Variants in NTHL1 observed in about 807,000 individuals in gnomAD.
NTHL1 encodes the protein nth like DNA glycosylase 1.
Under a neutral mutation model 32.3 loss-of-function variants are expected in NTHL1, and 32 were observed. The ratio of observed to expected loss-of-function variants is 0.99; its 90% confidence interval spans 0.75 to 1.33. The LOEUF (loss-of-function observed/expected upper bound fraction) is 1.33. Among genes scored for constraint, NTHL1 ranks in the 40% most tolerant of loss-of-function variants. The probability of loss-of-function intolerance (pLI) is 0.00; values close to 1 mark genes in which losing one functional copy is unlikely to be tolerated. For synonymous variants in NTHL1, 188 were observed against 176.9 expected (o/e 1.06, Z -0.50); for missense variants, 501 against 414.1 (o/e 1.21, Z -1.82).
intron 4 of NTHL1, chr16:2,042,098 T>C (rs780443678): frequency 1.7e-4 from 78 of 455,776 alleles, no homozygotes; most frequent in Non-Finnish European, 5.3e-5. Context: ...GGGGAACCCC[T>C]AGGAGGCAGC....
Position 2,044,832 on chromosome 16 carries a change from G to A in NTHL1, c.355-32C>T, listed in dbSNP as rs765517336. ...GTGCAGTGACAGGGACCGGGGTGGC[G>A]GCGGGTCCTGGGTGATTCCCTGGCC... is the stretch of plus-strand genomic sequence containing the variant. On this transcript the variant is annotated intron_variant, in intron 2 of 5. Transcript: ENST00000651570. This position sits in a 1 kb window ranked among gnomAD's most constrained non-coding sequence, Gnocchi z 5.0. 50 of 1,553,474 alleles carry A rather than the reference G, an allele frequency of 3.2e-5. No individual in the cohort carries two copies. Among genetic ancestry groups the A allele is most frequent in the Middle Eastern group, 3.4e-4 (2 of 5,894 alleles).
At chr16:2,041,833 C>G (rs1274251697) in intron 4 of NTHL1, among the ~76,000 whole-genome samples, 1 of 152,176 alleles carries the variant, frequency 6.6e-6, no homozygotes, top group African/African-American at 2.4e-5. Context: ...TGGTCTTGAT[C>G]TCCTGACCTC....
rs1483329605 is a variant in NTHL1 at position 2,043,633 on chromosome 16, G to C, written c.619C>G (p.Pro207Ala). Residue 207 changes from proline to alanine, a missense_variant, in exon 4 of 6, where the codon CCG becomes GCG. By Grantham distance (27) the Pro-to-Ala change is conservative. Coordinates refer to ENST00000651570, the MANE Select transcript of NTHL1 (RefSeq NM_002528.7). The surrounding 1 kb of genome is among the most constrained non-coding windows in gnomAD (Gnocchi z 4.4). The stretch of plus-strand genomic sequence containing the variant: ...TGTGCCATCTTGGGCCCAACACCCG[G>C]CAGCGCCACCAGCTCGGCCACAGAG... ...PASVAELVAL[P>A]GVGPKMAHLA... is the part of the protein sequence containing the mutation. 6.2e-7 allele frequency: 1 copy of C among 1,611,240 alleles called. No individual in the cohort carries two copies. The highest frequency in any genetic ancestry group is 8.5e-7 in the Non-Finnish European group (1 of 1,179,972).
At position 2,044,906 on chromosome 16, in the gene NTHL1, A is replaced by C; in HGVS notation, c.355-106T>G. 7.6e-7 allele frequency: 1 copy of C among 1,324,234 alleles called. No individual in the cohort carries two copies. The highest frequency in any genetic ancestry group is 1.4e-5 in the South Asian group (1 of 69,452). The allele number at this position is 1,324,234 out of a possible 1,614,324, so 82.0% of individuals were successfully genotyped here. ...ACACCCTGGTTTGTTGCCCTGGGCC[A>C]CACTTGAGGCATCAGCCTCCCCCTG... On this transcript the variant is annotated intron_variant, in intron 2 of 5. Transcript: ENST00000651570. The surrounding 1 kb of genome is among the most constrained non-coding windows in gnomAD (Gnocchi z 5.0).
rs557136190 is a variant in NTHL1, at chr16:2,047,679, T to G, written c.115+30A>C. 118 of 1,556,316 alleles carry G rather than the reference T, an allele frequency of 7.6e-5. No individual in the cohort carries two copies. In the South Asian group the frequency reaches 1.3e-3, roughly 17 times the overall value. On this transcript the variant is annotated intron_variant, in intron 1 of 5. Transcript: ENST00000651570. ...AGCCTGCAGCCCCTATCCCGCCTCC[T>G]CCCACGCTCCAGCCACGGCGCGGCG...
chr16:2,040,212 C>A lies in NTHL1; in HGVS notation c.712G>T (p.Ala238Ser). The stretch of plus-strand genomic sequence containing the variant: ...TTCTTGGTCCACCTCAGCCTGTTGG[C>A]GATTCTGTGCACATGCGTGTCCACT... Reference protein sequence around the residue: ...IAVDTHVHRIANRLRWTKKAT... With the variant: ...IAVDTHVHRISNRLRWTKKAT... Residue 238 changes from alanine to serine, a missense_variant, in exon 5 of 6, where the codon GCC becomes TCC. By Grantham distance (99) the Ala-to-Ser change is moderately conservative (BLOSUM62 1). Coordinates refer to ENST00000651570, the MANE Select transcript of NTHL1 (RefSeq NM_002528.7). 1 of 1,613,762 alleles carries A rather than the reference C, an allele frequency of 6.2e-7. No individual in the cohort carries two copies. Among genetic ancestry groups the A allele is most frequent in the Non-Finnish European group, 8.5e-7 (1 of 1,180,020 alleles).
chr16:2,047,347 C>T (rs2084476874), intron 1 of NTHL1: 1 of 322,384 alleles, frequency 3.1e-6, no homozygotes, highest in Admixed American at 5.0e-5. Context: ...AGGCTTCTGG[C>T]TGCGTGTGTC....
At chr16:2,040,291 G>A (rs531559643) in intron 4 of NTHL1, 53 bp from the exon 5 acceptor site, 51 of 1,542,960 alleles carry the variant, frequency 3.3e-5, no homozygotes, top group Admixed American at 2.2e-4. Context: ...AGCCTAGCCC[G>A]TGCCCCTCCC....
Position 2,044,739 on chromosome 16 carries a change from G to A in NTHL1, c.416C>T (p.Thr139Met), listed in dbSNP as rs756597137. Residue 139 changes from threonine to methionine, a missense_variant, in exon 3 of 6, where the codon ACG becomes ATG. Transcript: ENST00000651570. The surrounding 1 kb of genome is among the most constrained non-coding windows in gnomAD (Gnocchi z 5.0). ...CCGCAGTCGCTGCATGGCGCCCGCCGTCACCTGGTCTTTGGTTTGGCTGGA... is the reference window on the plus strand; with the variant it reads ...CCGCAGTCGCTGCATGGCGCCCGCCATCACCTGGTCTTTGGTTTGGCTGGA... ...MLSSQTKDQV[T>M]AGAMQRLRAR... 83 of 1,612,134 alleles carry A rather than the reference G, an allele frequency of 5.1e-5. No homozygotes were observed. Among genetic ancestry groups the A allele is most frequent in the African/African-American group, 3.2e-4 (24 of 74,932 alleles).
chr16:2,041,638 C>T (rs1050329005), intron 4 of NTHL1, among the ~76,000 whole-genome samples: 5 of 148,982 alleles, frequency 3.4e-5, no homozygotes, highest in Admixed American at 6.7e-5. Flanking sequence ...GACGGAGTCA[C>T]GCTTTGTCGC....
rs115635561 is a variant in NTHL1, at chr16:2,040,337, C to T, written c.686-99G>A. The stretch of plus-strand genomic sequence containing the variant: ...CGAGTCTGCCACCACCCCCGTGGCC[C>T]TCCAGTTAGACATTGGAACCGCAAA... On this transcript the variant is annotated intron_variant, in intron 4 of 5. Coordinates refer to ENST00000651570, the MANE Select transcript of NTHL1 (RefSeq NM_002528.7). 1,202 of 1,094,540 alleles carry T rather than the reference C, an allele frequency of 1.1e-3. 9 individuals are homozygous for T. The African/African-American group carries it at 0.015, about 14-fold the overall frequency. 67.8% of individuals were successfully genotyped at this position (1,094,540 alleles called of 1,614,324 possible).
intron 4 of NTHL1, among the ~76,000 whole-genome samples, chr16:2,041,442 CA>C (rs1367686126): frequency 6.6e-6 from 1 of 151,036 alleles, no homozygotes; most frequent in African/African-American, 2.4e-5. Context: ...ATGGCTGTGG[CA>C]TTTTTTTTTT....
rs1057034087 is a variant in NTHL1, at chr16:2,040,026, A to G, written c.813T>C (p.Asn271=). ...WLPRELWHEI[N]GLLVGFGQQT... ...GCTGGCCGAAGCCCACCAAGAGTCC[A>G]TTGATCTCGTGCCACAGCTCCCTGT... Residue 271 remains asparagine (N), a synonymous_variant, in exon 6 of 6, where the codon AAT becomes AAC. Coordinates refer to ENST00000651570, the MANE Select transcript of NTHL1 (RefSeq NM_002528.7). The G allele has an allele frequency of 3.1e-6, 5 of 1,612,062 alleles. No individual in the cohort carries two copies. The African/African-American group carries it at 4.0e-5, about 13-fold the overall frequency.
rs2150947711 is a variant in NTHL1, at chr16:2,046,354, CT to C, written c.127del (p.Ser43AlafsTer5). The C allele has an allele frequency of 1.2e-6, 2 of 1,605,206 alleles. No homozygotes were observed. The highest frequency in any genetic ancestry group is 1.7e-6 in the Non-Finnish European group (2 of 1,174,138). ...CCGCGGACGCTTCACGGGGCTGTGGCTTTTCCTCGCTTCTGCAAAAAGCACC... is the reference window on the plus strand; with the variant it reads ...CCGCGGACGCTTCACGGGGCTGTGGCTTTCCTCGCTTCTGCAAAAAGCACC... The part of the protein sequence containing the change: ...RREAAAEARK[S>X]HSPVKRPRKA... On this transcript the variant is annotated frameshift_variant, in exon 2 of 6. Transcript: ENST00000651570. LOFTEE classifies it high-confidence loss of function.
chr16:2,044,580 C>T lies in NTHL1; in HGVS notation c.525+50G>A. On this transcript the variant is annotated intron_variant, in intron 3 of 5. Transcript: ENST00000651570. The surrounding 1 kb of genome is among the most constrained non-coding windows in gnomAD (Gnocchi z 5.0). ...GCCACCCCCCTCAGCCTTCTGAGGT[C>T]TCTCTCAGGCCACTGCCACCCGGCC... 6.3e-7 allele frequency: 1 copy of T among 1,596,014 alleles called. No individual in the cohort carries two copies. Among genetic ancestry groups the T allele is most frequent in the South Asian group, 1.1e-5 (1 of 90,954 alleles).
At chr16:2,041,971 T>C in intron 4 of NTHL1, 2 of 450,672 alleles carry the variant, frequency 4.4e-6, no homozygotes, top group South Asian at 1.6e-5. Flanking sequence ...CAGGCTGATC[T>C]TGAACTCCTG....
chr16:2,042,250 C>T, intron 4 of NTHL1: 1 of 377,890 alleles, frequency 2.6e-6, no homozygotes, highest in Non-Finnish European at 5.3e-6. Flanking sequence ...CAGCCCTGCC[C>T]AACCACGATG....
At chr16:2,046,783 C>A (rs1409189592) in intron 1 of NTHL1, among the ~76,000 whole-genome samples, 1 of 152,118 alleles carries the variant, frequency 6.6e-6, no homozygotes, top group African/African-American at 2.4e-5. Context: ...ACCAGCCTGG[C>A]CAATATGGCA....
rs1156299739 is a variant in NTHL1, at chr16:2,047,764, C to G, written c.60G>C (p.Gly20=). Residue 20 remains glycine (G), a synonymous_variant, in exon 1 of 6, where the codon GGG becomes GGC. Coordinates refer to ENST00000651570, the MANE Select transcript of NTHL1 (RefSeq NM_002528.7). ...TRSRSLGPGA[G]PRGCREEPGP... ...CGGGCTCCTCCCTACACCCCCGCGG[C>G]CCAGCCCCGGGTCCCAGGCTCCGGC... is the stretch of plus-strand genomic sequence containing the variant. The G allele has an allele frequency of 6.3e-7, 1 of 1,587,118 alleles. No homozygotes were observed. Among genetic ancestry groups the G allele is most frequent in the Non-Finnish European group, 8.5e-7 (1 of 1,172,248 alleles).
Sources: allele counts gnomAD v4.1 joint callset (sites outside exome capture counted in the v4.1 genomes callset), GRCh38; gene constraint gnomAD v4.1.1; non-coding constraint Gnocchi (gnomAD v3.1); transcripts MANE v1.5; gene names NCBI Gene and HGNC (gene_info 2026-07-23, HGNC 2026-07-21).